Variants in ARHGEF12 observed in about 807,000 individuals in gnomAD.
The protein encoded by ARHGEF12 is Rho guanine nucleotide exchange factor 12.
A neutral mutation model predicts 211.2 loss-of-function variants in ARHGEF12; 66 were observed. The ratio of observed to expected loss-of-function variants is 0.31; its 90% confidence interval spans 0.26 to 0.38. ARHGEF12 has a LOEUF of 0.38. Ranked by LOEUF, ARHGEF12 falls within the 10% of genes least tolerant of loss-of-function variation. The pLI is 1.00. For synonymous variants in ARHGEF12, 592 were observed against 638.4 expected (o/e 0.93, Z 1.09); for missense variants, 1,429 against 1,869.5 (o/e 0.76, Z 4.34).
intron 40 of ARHGEF12, 85 bp from the exon 41 acceptor site, chr11:120,484,982 C>A: frequency 1.4e-6 from 2 of 1,404,900 alleles, no homozygotes; most frequent in Non-Finnish European, 2.0e-6. Flanking sequence ...GATTGAACCA[C>A]GCCCACAGAT....
intron 36 of ARHGEF12, 124 bp downstream of exon 36, chr11:120,477,650 A>G (rs1591642556): frequency 1.2e-6 from 1 of 836,602 alleles, no homozygotes; most frequent in East Asian, 2.6e-5. Context: ...GTATCACCTG[A>G]GGCCAGGAGT....
chr11:120,376,233 T>C lies in ARHGEF12; in HGVS notation c.33-29885T>C, dbSNP rs574680719. Among the ~76,000 whole-genome samples the C allele has an allele frequency of 6.0e-5, 9 of 150,342 alleles. No individual in the cohort carries two copies. In the South Asian group the frequency reaches 1.7e-3, roughly 28 times the overall value. On this transcript the variant is annotated intron_variant, in intron 1 of 40. Transcript: ENST00000397843. ...CATTGAAATGTTAAATTTTTTTTTT[T>C]ACAAATAATGTGTTCAGAGTTGAGA...
At chr11:120,390,535 C>G (rs928675387) in intron 1 of ARHGEF12, among the ~76,000 whole-genome samples, 1 of 152,164 alleles carries the variant, frequency 6.6e-6, no homozygotes, top group Non-Finnish European at 1.5e-5. Context: ...ATCCACTGAG[C>G]TCTGGGATTA....
chr11:120,391,959 A>G (rs953039168), intron 1 of ARHGEF12, among the ~76,000 whole-genome samples: 2 of 152,228 alleles, frequency 1.3e-5, no homozygotes, highest in African/African-American at 2.4e-5. Context: ...AACAGACTGT[A>G]CTTAACTTCC....
At chr11:120,443,361 T>G (rs1360868343) in intron 15 of ARHGEF12, among the ~76,000 whole-genome samples, 1 of 152,168 alleles carries the variant, frequency 6.6e-6, no homozygotes, top group Non-Finnish European at 1.5e-5. Flanking sequence ...CTGCTCCAGT[T>G]TACAGTGTAT....
Position 120,477,456 on chromosome 11 carries a change from T to C in ARHGEF12, c.3462T>C (p.Asn1154=). The change falls in exon 36 of 41, where the codon AAT becomes AAC. Residue 1154 remains asparagine (N), a synonymous_variant. Transcript: ENST00000397843. ...LPQSTPGEGD[N]DEEDPSKLKE... is the part of the protein sequence containing the mutation. ...TTTTTTTTCTCTACAGAGGAGATAA[T>C]GATGAAGAAGATCCTTCAAAATTAA... 6.4e-7 allele frequency: 1 copy of C among 1,552,512 alleles called. No individual in the cohort carries two copies. The highest frequency in any genetic ancestry group is 8.8e-7 in the Non-Finnish European group (1 of 1,132,148).
chr11:120,346,048 A>T (rs567825402), intron 1 of ARHGEF12, among the ~76,000 whole-genome samples: 16 of 150,984 alleles, frequency 1.1e-4, no homozygotes, highest in South Asian at 1.0e-3. Context: ...AAAATGGTAT[A>T]AAAAAAAGTA....
At position 120,459,334 on chromosome 11, in the gene ARHGEF12, G is replaced by A. The variant is rs768364812; in HGVS notation, c.2527+14G>A. On this transcript the variant is annotated intron_variant, in intron 26 of 40. Transcript: ENST00000397843. ...TTCAACTTCATAGTAAGAGAAATTA[G>A]CTCTGATCTTTGCCCCTAACATTTC... is the stretch of plus-strand genomic sequence containing the variant. 6.2e-6 allele frequency: 10 copies of A among 1,607,512 alleles called. No homozygotes were observed. Among genetic ancestry groups the A allele is most frequent in the Non-Finnish European group, 8.5e-6 (10 of 1,176,928 alleles).
At chr11:120,420,180 T>C (rs1264832352) in intron 4 of ARHGEF12, among the ~76,000 whole-genome samples, 1 of 152,232 alleles carries the variant, frequency 6.6e-6, no homozygotes, top group Non-Finnish European at 1.5e-5. Flanking sequence ...CCAGGGTTTT[T>C]CTTCCCCCTG....
chr11:120,347,879 A>G (rs868370016), intron 1 of ARHGEF12, among the ~76,000 whole-genome samples: 18 of 152,172 alleles, frequency 1.2e-4, no homozygotes, highest in African/African-American at 4.1e-4. Context: ...CAGTTTGTAG[A>G]TTTTCAGGTG....
At position 120,480,102 on chromosome 11, in the gene ARHGEF12, T is replaced by C. The variant is rs758634286; in HGVS notation, c.3909T>C (p.Ile1303=). The C allele has an allele frequency of 1.9e-6, 3 of 1,614,174 alleles. No homozygotes were observed. Among genetic ancestry groups the C allele is most frequent in the Admixed American group, 3.3e-5 (2 of 60,024 alleles). ...GTGTCATCCAGAACTCTGAAAATAT[T>C]AAGGCCTATCATTCTGGTGAAGGAC... The part of the protein sequence containing the change: ...TDSVIQNSEN[I]KAYHSGEGHM... The change falls in exon 38 of 41, where the codon ATT becomes ATC. Residue 1303 remains isoleucine, a synonymous_variant. Coordinates refer to ENST00000397843, the MANE Select transcript of ARHGEF12 (RefSeq NM_015313.3).
intron 1 of ARHGEF12, among the ~76,000 whole-genome samples, chr11:120,367,353 C>CTTTTCTT (rs1943452671): frequency 1.7e-5 from 1 of 59,350 alleles, no homozygotes; most frequent in Admixed American, 2.6e-4. Flanking sequence ...ATACTTTTTC[C>CTTTTCTT]TTTTTTTTTT....
At position 120,477,268 on chromosome 11, in the gene ARHGEF12, A is replaced by G. The variant is rs1368262946; in HGVS notation, c.3415A>G (p.Thr1139Ala). 2 of 1,614,158 alleles carry G rather than the reference A, an allele frequency of 1.2e-6. No homozygotes were observed. The highest frequency in any genetic ancestry group is 1.7e-6 in the Non-Finnish European group (2 of 1,180,044). ...GGCTGCATCAGTGAAGGAGCAATCC[A>G]CAAAGCCAATTCCATTACCACAGTC... ...RMAASVKEQS[T>A]KPIPLPQSTP... Residue 1139 changes from threonine to alanine, a missense_variant, in exon 35 of 41, where the codon ACA becomes GCA. By Grantham distance (58) the Thr-to-Ala change is moderately conservative. Coordinates refer to ENST00000397843, the MANE Select transcript of ARHGEF12 (RefSeq NM_015313.3).
At chr11:120,468,010 T>A (rs926814764) in intron 29 of ARHGEF12, among the ~76,000 whole-genome samples, 1 of 152,228 alleles carries the variant, frequency 6.6e-6, no homozygotes, top group African/African-American at 2.4e-5. Context: ...CAACCATCCT[T>A]GTTCTAGCCT....
chr11:120,355,769 T>C (rs913868694), intron 1 of ARHGEF12, among the ~76,000 whole-genome samples: 1 of 152,226 alleles, frequency 6.6e-6, no homozygotes, highest in Non-Finnish European at 1.5e-5. Flanking sequence ...CATTTGCTAC[T>C]GTACCCAATT....
chr11:120,458,258 G>A, intron 25 of ARHGEF12, 24 bp downstream of exon 25: 2 of 1,611,644 alleles, frequency 1.2e-6, no homozygotes, highest in African/African-American at 1.3e-5. Context: ...ATTTGTTGTT[G>A]TTGTTTACAA....
chr11:120,369,060 A>T (rs1943513585), intron 1 of ARHGEF12, among the ~76,000 whole-genome samples: 2 of 151,748 alleles, frequency 1.3e-5, no homozygotes, highest in African/African-American at 2.4e-5. Context: ...GTCTCCAATG[A>T]TAACAACATC....
chr11:120,365,208 A>G (rs1459966077), intron 1 of ARHGEF12, among the ~76,000 whole-genome samples: 6 of 152,134 alleles, frequency 3.9e-5, no homozygotes, highest in African/African-American at 1.4e-4. Flanking sequence ...TGCCTTTGTC[A>G]TGAGAGACAC....
Position 120,489,219 on chromosome 11 carries a change from C to T in ARHGEF12, c.*4142C>T. ...GACAGTGCTGGCAGGTGGGCTTGCCCTAGCATGTGGGGCAGGTTTGTTGTT... is the reference window on the plus strand; with the variant it reads ...GACAGTGCTGGCAGGTGGGCTTGCCTTAGCATGTGGGGCAGGTTTGTTGTT... On this transcript the variant is annotated 3_prime_UTR_variant, in exon 41 of 41. Coordinates refer to ENST00000397843, the MANE Select transcript of ARHGEF12 (RefSeq NM_015313.3). 1 of 228,780 alleles carries T rather than the reference C, an allele frequency of 4.4e-6. No individual in the cohort carries two copies. The highest frequency in any genetic ancestry group is 8.7e-6 in the Non-Finnish European group (1 of 115,082). The allele number at this position is 228,780 out of a possible 1,614,324, so 14.2% of individuals were successfully genotyped here. A position where few individuals can be genotyped will look rare whatever the true frequency, so the allele number is the denominator to read the frequency against.
Sources: gnomAD v4.1 joint callset for allele counts (sites outside exome capture counted in the v4.1 genomes callset) on GRCh38, gnomAD v4.1.1 for gene constraint, MANE v1.5 for transcripts, NCBI Gene and HGNC (gene_info 2026-07-23, HGNC 2026-07-21) for gene names.